Variants in ALDH2 observed in about 807,000 individuals in gnomAD.
ALDH2 encodes aldehyde dehydrogenase, mitochondrial.
ALDH2 carries 44 observed loss-of-function variants against 59.6 expected under a neutral mutation model. That is an observed-to-expected ratio of 0.74 (90% CI 0.58 to 0.95). The LOEUF (loss-of-function observed/expected upper bound fraction) is 0.95. ALDH2 is among the 40% of genes least tolerant of loss of function. The probability of loss-of-function intolerance (pLI) is 0.00; values close to 1 mark genes in which losing one functional copy is unlikely to be tolerated. For missense variants in ALDH2, 570 were observed against 696.3 expected, an observed-to-expected ratio of 0.82 and a Z score of 2.04; for synonymous variants, 291 against 284.0, an observed-to-expected ratio of 1.02 and a Z score of -0.25.
chr12:111,772,787 C>T (rs930957588), intron 1 of ALDH2, among the ~76,000 whole-genome samples: 9 of 151,122 alleles, frequency 6.0e-5, no homozygotes, highest in African/African-American at 2.2e-4. Flanking sequence ...GATCCTCCTG[C>T]GTCAGCCACT....
At chr12:111,793,435 G>A (rs2068378371) in intron 9 of ALDH2, among the ~76,000 whole-genome samples, 2 of 152,012 alleles carry the variant, frequency 1.3e-5, no homozygotes, top group South Asian at 2.1e-4. Context: ...AGAGCTGAAC[G>A]TACAGAGGGT....
At chr12:111,808,678 C>A (rs1048432354) in intron 12 of ALDH2, among the ~76,000 whole-genome samples, 1 of 151,972 alleles carries the variant, frequency 6.6e-6, no homozygotes, top group Non-Finnish European at 1.5e-5. Context: ...GCACTCCAGC[C>A]TGGGCAACAG....
Position 111,767,002 on chromosome 12 carries a change from G to C in ALDH2, c.20G>C (p.Arg7Pro). Residue 7 changes from arginine to proline, a missense_variant, in exon 1 of 13, where the codon CGC (arginine) becomes CCC (proline). Transcript: ENST00000261733. ...GCTGCGATGTTGCGCGCTGCCGCCC[G>C]CTTCGGGCCCCGCCTGGGCCGCCGC... MLRAAA[R>P]FGPRLGRRLL... is the part of the protein sequence containing the mutation. The C allele has an allele frequency of 6.6e-7, 1 of 1,522,134 alleles. No homozygotes were observed. 94.3% of individuals were successfully genotyped at this position (1,522,134 alleles called of 1,614,324 possible).
Position 111,796,742 on chromosome 12 carries a change from C to T in ALDH2, c.1084-1336C>T, listed in dbSNP as rs542869202. Reference sequence around the variant, plus strand: ...GCAACATAGCAAAACCCCATCCCTACTAAAAATATAAAAATTACCCAGGTG... The same window carrying T: ...GCAACATAGCAAAACCCCATCCCTATTAAAAATATAAAAATTACCCAGGTG... On this transcript the variant is annotated intron_variant, in intron 9 of 12. Coordinates refer to ENST00000261733, the MANE Select transcript of ALDH2 (RefSeq NM_000690.4). Among the ~76,000 whole-genome samples the T allele has an allele frequency of 4.1e-4, 62 of 152,038 alleles. 1 individual carries two copies. The South Asian group carries it at 0.012, about 30-fold the overall frequency.
At chr12:111,775,394 C>G (rs1209599851) in intron 1 of ALDH2, among the ~76,000 whole-genome samples, 1 of 152,164 alleles carries the variant, frequency 6.6e-6, no homozygotes, top group African/African-American at 2.4e-5. Context: ...TTGCTTGTTT[C>G]CTGCGCCCTC....
chr12:111,767,065 C>T lies in ALDH2; in HGVS notation c.83C>T (p.Pro28Leu), dbSNP rs1269099351. ...SAAATQAVPA[P>L]NQQPEVFCNQ... ...GCCGCCACCCAGGCCGTGCCTGCCCCCAACCAGCAGCCCGAGGTCTTCTGC... is the reference window on the plus strand; with the variant it reads ...GCCGCCACCCAGGCCGTGCCTGCCCTCAACCAGCAGCCCGAGGTCTTCTGC... Residue 28 changes from proline (P) to leucine (L), a missense_variant, in exon 1 of 13, where the codon CCC (proline) becomes CTC (leucine). Physicochemically the swap from Pro to Leu is moderately conservative, Grantham distance 98 (BLOSUM62 -3). Coordinates refer to ENST00000261733, the MANE Select transcript of ALDH2 (RefSeq NM_000690.4). 1.3e-6 allele frequency: 2 copies of T among 1,528,964 alleles called. No individual in the cohort carries two copies. The highest frequency in any genetic ancestry group is 4.0e-5 in the Admixed American group (2 of 50,312). 94.7% of individuals were successfully genotyped at this position (1,528,964 alleles called of 1,614,324 possible).
intron 10 of ALDH2, among the ~76,000 whole-genome samples, chr12:111,798,614 A>G (rs554944381): frequency 6.6e-6 from 1 of 152,094 alleles, no homozygotes; most frequent in Admixed American, 6.5e-5. Flanking sequence ...GGCTCCTTAT[A>G]GCCTTGAACT....
intron 6 of ALDH2, 47 bp from the exon 7 acceptor site, chr12:111,791,259 C>G (rs1034388083): frequency 6.9e-7 from 1 of 1,450,996 alleles, no homozygotes; most frequent in East Asian, 2.3e-5. Context: ...TTGAGCCCTT[C>G]AGAATAGGAG....
Position 111,803,845 on chromosome 12 carries a change from G to T in ALDH2, c.1407-14G>T. On this transcript the variant is annotated splice_polypyrimidine_tract_variant and intron_variant, in intron 11 of 12. Transcript: ENST00000261733. ...CCCCAAGAGTGATTTCTGCAATCTC[G>T]TTTCAAATTACAGGGTCAACTGCTA... 3.8e-6 allele frequency: 6 copies of T among 1,590,130 alleles called. No homozygotes were observed. Among genetic ancestry groups the T allele is most frequent in the Non-Finnish European group, 5.2e-6 (6 of 1,163,566 alleles).
rs1189845830 is a variant in ALDH2, at chr12:111,815,357, T to A, written c.*5782T>A. On this transcript the variant is annotated 3_prime_UTR_variant, in exon 13 of 13. Transcript: ENST00000261733. ...TCCCAAATAGCTGGTACTACAAGCA[T>A]GTGCCACCACAGTCAGCTAATTATT... 1 of 152,240 alleles carries A rather than the reference T, an allele frequency of 6.6e-6. No homozygotes were observed. Among genetic ancestry groups the A allele is most frequent in the Admixed American group, 6.5e-5 (1 of 15,276 alleles). The allele number at this position is 152,240 out of a possible 1,614,324, so 9.4% of individuals were successfully genotyped here.
At position 111,815,924 on chromosome 12, in the gene ALDH2, C is replaced by T. The variant is rs1372738774; in HGVS notation, c.*6349C>T. ...TACAGGCATGAGACACTGGGCACAG[C>T]CCTAATAGCTTATTTTTAAAGCTAT... On this transcript the variant is annotated 3_prime_UTR_variant, in exon 13 of 13. Transcript: ENST00000261733. The T allele has an allele frequency of 6.6e-6, 1 of 152,084 alleles. No homozygotes were observed. Among genetic ancestry groups the T allele is most frequent in the Admixed American group, 6.6e-5 (1 of 15,248 alleles). 9.4% of individuals were successfully genotyped at this position (152,084 alleles called of 1,614,324 possible).
chr12:111,802,931 A>ATG (rs1162051939), intron 11 of ALDH2, among the ~76,000 whole-genome samples: 4 of 150,468 alleles, frequency 2.7e-5, no homozygotes, highest in Non-Finnish European at 5.9e-5. Context: ...GGTGGCTCAC[A>ATG]CCTGTAATCC....
chr12:111,791,763 G>A (rs1420086000), intron 7 of ALDH2, among the ~76,000 whole-genome samples: 2 of 152,130 alleles, frequency 1.3e-5, no homozygotes, highest in African/African-American at 4.8e-5. Flanking sequence ...TTAGCCTTGT[G>A]TGGTGGTGTG....
At chr12:111,770,385 G>A (rs969043587) in intron 1 of ALDH2, among the ~76,000 whole-genome samples, 1 of 152,206 alleles carries the variant, frequency 6.6e-6, no homozygotes, top group African/African-American at 2.4e-5. Context: ...GTTTCCTGAA[G>A]GGGTGAGCTA....
In ALDH2 at chr12:111,778,574, C is replaced by G. The variant is rs889333160; in HGVS notation, c.115-3344C>G. Reference sequence around the variant, plus strand: ...AAAAAGAAAAAAAAAACCCTCACACCTGTAATCCCAGCACTTTGGGAGGCC... The same window carrying G: ...AAAAAGAAAAAAAAAACCCTCACACGTGTAATCCCAGCACTTTGGGAGGCC... On this transcript the variant is annotated intron_variant, in intron 1 of 12. Coordinates refer to ENST00000261733, the MANE Select transcript of ALDH2 (RefSeq NM_000690.4). 3.9e-4 allele frequency among the ~76,000 whole-genome samples: 59 copies of G among 151,190 alleles called. 2 individuals carry two copies. Among genetic ancestry groups the G allele is most frequent in the Admixed American group, 3.4e-3 (52 of 15,154 alleles).
chr12:111,797,409 T>G (rs1227412062), intron 9 of ALDH2, among the ~76,000 whole-genome samples: 2 of 152,152 alleles, frequency 1.3e-5, no homozygotes, highest in African/African-American at 2.4e-5. Context: ...TCCCCCAGCC[T>G]GGGCTACAAG....
At chr12:111,805,851 T>C (rs1194341386) in intron 12 of ALDH2, among the ~76,000 whole-genome samples, 4 of 144,292 alleles carry the variant, frequency 2.8e-5, no homozygotes, top group Admixed American at 6.9e-5. Context: ...AGTGAAACCC[T>C]GTCTCTACTA....
intron 1 of ALDH2, chr12:111,775,653 A>G (rs1047937293): frequency 2.2e-6 from 1 of 455,946 alleles, no homozygotes; most frequent in Non-Finnish European, 4.4e-6. Context: ...TCTGGAAACT[A>G]TAAAGAGGAA....
At position 111,767,081 on chromosome 12, in the gene ALDH2, G is replaced by T. The variant is rs1256069672; in HGVS notation, c.99G>T (p.Glu33Asp). Residue 33 changes from glutamate to aspartate, a missense_variant, in exon 1 of 13, where the codon GAG (glutamate) becomes GAT (aspartate). Glu to Asp is a conservative substitution (Grantham distance 45). Coordinates refer to ENST00000261733, the MANE Select transcript of ALDH2 (RefSeq NM_000690.4). ...TGCCTGCCCCCAACCAGCAGCCCGA[G>T]GTCTTCTGCAACCAGGTGAGCCCAC... ...QAVPAPNQQP[E>D]VFCNQIFINN... 1 of 1,518,234 alleles carries T rather than the reference G, an allele frequency of 6.6e-7. No homozygotes were observed. The allele number at this position is 1,518,234 out of a possible 1,614,324, so 94.0% of individuals were successfully genotyped here.
Sources: gnomAD v4.1 joint callset for allele counts (sites outside exome capture counted in the v4.1 genomes callset) on GRCh38, gnomAD v4.1.1 for gene constraint, MANE v1.5 for transcripts, NCBI Gene and HGNC (gene_info 2026-07-23, HGNC 2026-07-21) for gene names.